The following LPGAT1 variants were observed in gnomAD, a reference collection of about 807,000 sequenced individuals.
LPGAT1 encodes acyl-CoA:lysophosphatidylglycerol acyltransferase 1.
LPGAT1 carries 11 observed loss-of-function variants against 47.5 expected under a neutral mutation model. The ratio of observed to expected loss-of-function variants is 0.23; its 90% CI spans 0.15 to 0.38. The LOEUF is 0.38. Ranked by LOEUF, LPGAT1 falls within the 10% of genes least tolerant of loss-of-function variation. The pLI, the probability that LPGAT1 is intolerant of heterozygous loss-of-function variation, is 1.00. For synonymous variants in LPGAT1, 138 were observed against 144.2 expected (o/e 0.96, Z 0.31); for missense variants, 293 against 439.0 (o/e 0.67, Z 2.97).
intron 6 of LPGAT1, among the ~76,000 whole-genome samples, chr1:211,774,132 CTT>C (rs67342051): frequency 1.0e-4 from 7 of 66,826 alleles, no homozygotes; most frequent in East Asian, 6.2e-4. Context: ...TTTTAAAAGT[CTT>C]TTTTTTTTTT....
intron 2 of LPGAT1, among the ~76,000 whole-genome samples, chr1:211,805,807 C>G (rs1659735658): frequency 6.6e-6 from 1 of 152,022 alleles, no homozygotes; most frequent in Non-Finnish European, 1.5e-5. Context: ...CAGTATTGCC[C>G]AGATACCAAA....
intron 6 of LPGAT1, among the ~76,000 whole-genome samples, chr1:211,755,550 GA>G (rs61044318): frequency 0.084 from 12,658 of 151,068 alleles, 652 homozygotes; most frequent in Admixed American, 0.15. Context: ...CGAGTAGACA[GA>G]AAAAAAATAG....
intron 6 of LPGAT1, among the ~76,000 whole-genome samples, chr1:211,760,135 G>A (rs1657629203): frequency 6.6e-6 from 1 of 152,180 alleles, no homozygotes; most frequent in Admixed American, 6.5e-5. Context: ...GGACATATTC[G>A]TGGAAATCCA....
At chr1:211,813,566 C>A (rs527638065) in intron 2 of LPGAT1, among the ~76,000 whole-genome samples, 3 of 151,950 alleles carry the variant, frequency 2.0e-5, no homozygotes, top group South Asian at 4.2e-4. Context: ...CAAATTTCTA[C>A]GAAAATTTTA....
intron 6 of LPGAT1, among the ~76,000 whole-genome samples, chr1:211,760,172 AT>A (rs980843490): frequency 3.9e-5 from 6 of 152,204 alleles, no homozygotes; most frequent in Non-Finnish European, 2.9e-5. Context: ...AAGAATAGAG[AT>A]ATCGGGCCGG....
At chr1:211,829,639 C>T (rs1660657010) in intron 1 of LPGAT1, 1 of 1,105,994 alleles carries the variant, frequency 9.0e-7, no homozygotes, top group African/African-American at 1.6e-5. Context: ...GTCTATTGGA[C>T]TTAGAAAAAT....
At chr1:211,755,035 G>A (rs1276332537) in intron 6 of LPGAT1, among the ~76,000 whole-genome samples, 4 of 102,896 alleles carry the variant, frequency 3.9e-5, no homozygotes, top group African/African-American at 1.3e-4. Flanking sequence ...GCAAGACTCC[G>A]TCTCCAAAAA....
chr1:211,778,100 T>C (rs1658482582), intron 6 of LPGAT1, among the ~76,000 whole-genome samples: 1 of 152,100 alleles, frequency 6.6e-6, no homozygotes, highest in African/African-American at 2.4e-5. Flanking sequence ...CCCAGCACTT[T>C]GGGAGGCCGA....
rs1660704857 is a variant in LPGAT1, at chr1:211,830,621, G to T, written c.-76C>A. The T allele has an allele frequency of 1.7e-6, 2 of 1,207,578 alleles. No homozygotes were observed. The highest frequency in any genetic ancestry group is 8.3e-5 in the South Asian group (2 of 24,154). 74.8% of individuals were successfully genotyped at this position (1,207,578 alleles called of 1,614,324 possible). ...GGGGCTTTGGGAGTCAGAGGAGCCG[G>T]AAGAATGCATGGCCGGCGGCGGGGC... On this transcript the variant is annotated 5_prime_UTR_variant, in exon 1 of 8. Transcript: ENST00000366997. The surrounding 1 kb of genome is among the most constrained non-coding windows in gnomAD (Gnocchi z 5.9).
At chr1:211,796,071 C>G (rs1047425675) in intron 2 of LPGAT1, among the ~76,000 whole-genome samples, 1 of 151,716 alleles carries the variant, frequency 6.6e-6, no homozygotes, top group African/African-American at 2.4e-5. Context: ...GATACCTAGG[C>G]CCATGCAGTG....
At chr1:211,755,175 A>C (rs892174364) in intron 6 of LPGAT1, among the ~76,000 whole-genome samples, 42 of 151,978 alleles carry the variant, frequency 2.8e-4, no homozygotes, top group Admixed American at 5.2e-4. Context: ...GTCTCTACTA[A>C]AAATACAAAA....
chr1:211,793,881 TAGG>T (rs1213605067), intron 2 of LPGAT1, among the ~76,000 whole-genome samples: 1 of 152,186 alleles, frequency 6.6e-6, no homozygotes, highest in Non-Finnish European at 1.5e-5. Flanking sequence ...TATGATGTAA[TAGG>T]AGAGTATAAA....
chr1:211,827,466 A>G (rs1227092349), intron 2 of LPGAT1, among the ~76,000 whole-genome samples: 1 of 152,248 alleles, frequency 6.6e-6, no homozygotes, highest in Non-Finnish European at 1.5e-5. Flanking sequence ...CATGCTAACA[A>G]TTAAATACAC....
chr1:211,755,574 A>G (rs1413700230), intron 6 of LPGAT1, among the ~76,000 whole-genome samples: 12 of 151,934 alleles, frequency 7.9e-5, no homozygotes, highest in Admixed American at 7.9e-4. Flanking sequence ...GAAAGAAGGA[A>G]GGAGTGTGGC....
chr1:211,767,759 T>A (rs1283105102), intron 6 of LPGAT1, among the ~76,000 whole-genome samples: 1 of 152,114 alleles, frequency 6.6e-6, no homozygotes, highest in Non-Finnish European at 1.5e-5. Flanking sequence ...TAAGCAATGA[T>A]AGAGAAAAGT....
At chr1:211,803,600 C>A (rs988960931) in intron 2 of LPGAT1, among the ~76,000 whole-genome samples, 1 of 152,108 alleles carries the variant, frequency 6.6e-6, no homozygotes, top group East Asian at 1.9e-4. Flanking sequence ...AATCTAGGAA[C>A]AACTCTGTGC....
intron 3 of LPGAT1, among the ~76,000 whole-genome samples, chr1:211,791,960 A>C (rs1479023007): frequency 6.6e-6 from 1 of 150,796 alleles, no homozygotes; most frequent in African/African-American, 2.4e-5. Flanking sequence ...CCATTAATTT[A>C]TACACCTTAT....
rs545926529 is a variant in LPGAT1, at chr1:211,829,873, T to TG, written c.-27-551_-27-550insC. On this transcript the variant is annotated intron_variant, in intron 1 of 7. Coordinates refer to ENST00000366997, the MANE Select transcript of LPGAT1 (RefSeq NM_014873.3). The stretch of plus-strand genomic sequence containing the variant: ...AGCAATAGGGTTTTTGTTTCCCTTT[T>TG]TTTTTTAAGAAAAAAAATGGGGGGC... 9.2e-5 allele frequency: 91 copies of TG among 984,612 alleles called. No individual in the cohort carries two copies. The East Asian group carries it at 7.8e-3, about 84-fold the overall frequency. The allele number at this position is 984,612 out of a possible 1,614,324, so 61.0% of individuals were successfully genotyped here.
At chr1:211,783,140 T>A (rs1463565829) in intron 5 of LPGAT1, 89 bp downstream of exon 5, 6 of 1,202,396 alleles carry the variant, frequency 5.0e-6, no homozygotes, top group Middle Eastern at 5.9e-4. Context: ...ACAAAAATTA[T>A]AAATATAAAA....
Sources: allele counts gnomAD v4.1 joint callset (sites outside exome capture counted in the v4.1 genomes callset), GRCh38; gene constraint gnomAD v4.1.1; non-coding constraint Gnocchi (gnomAD v3.1); transcripts MANE v1.5; gene names NCBI Gene and HGNC (gene_info 2026-07-23, HGNC 2026-07-21).